RAB11FIP3: variants seen among roughly 807,000 people sequenced by gnomAD.
RAB11FIP3 encodes the protein RAB11 family interacting protein 3, also known as rab11 family-interacting protein 3.
In RAB11FIP3, 17 loss-of-function variants were observed where a neutral mutation model predicts 77.8. The observed-to-expected ratio is 0.22, with a 90% confidence interval of 0.15 to 0.33. The LOEUF (loss-of-function observed/expected upper bound fraction) is 0.33, where lower values mean the gene tolerates loss of function less well. Among genes scored for constraint, RAB11FIP3 ranks in the 10% least tolerant of loss-of-function variants. RAB11FIP3 has a pLI of 1.00. For synonymous variants in RAB11FIP3, 437 were observed against 448.2 expected (o/e 0.98, Z 0.31); for missense variants, 1,005 against 1,011.2 (o/e 0.99, Z 0.08).
chr16:515,851 C>T (rs757838603), intron 9 of RAB11FIP3, among the ~76,000 whole-genome samples: 2 of 152,214 alleles, frequency 1.3e-5, no homozygotes, highest in Non-Finnish European at 2.9e-5. Flanking sequence ...TGGATAAAGG[C>T]GAGGCTCACA....
intron 6 of RAB11FIP3, 178 bp downstream of exon 6, chr16:497,037 G>C: frequency 1.4e-6 from 1 of 701,230 alleles, no homozygotes; most frequent in Non-Finnish European, 2.2e-6. Flanking sequence ...GGTTTCCAGG[G>C]CTGTGAATTT....
rs1025826846 is a variant in RAB11FIP3 at position 514,678 on chromosome 16, A to G, written c.1640+3878A>G. Among the ~76,000 whole-genome samples, 14 of 152,112 alleles carry G rather than the reference A, an allele frequency of 9.2e-5. No homozygotes were observed. Among genetic ancestry groups the G allele is most frequent in the Admixed American group, 3.3e-4 (5 of 15,272 alleles). On this transcript the variant is annotated intron_variant, in intron 9 of 13. Coordinates refer to ENST00000262305, the MANE Select transcript of RAB11FIP3 (RefSeq NM_014700.4). This position sits in a 1 kb window ranked among gnomAD's most constrained non-coding sequence, Gnocchi z 4.6. Reference sequence around the variant, plus strand: ...AATCTCAGGACACAGGGCCCGGGAGAGGTTCTAGGAAAGGCCAGGTACCTC... The same window carrying G: ...AATCTCAGGACACAGGGCCCGGGAGGGGTTCTAGGAAAGGCCAGGTACCTC...
At chr16:493,117 G>C (rs1430542727) in intron 5 of RAB11FIP3, among the ~76,000 whole-genome samples, 1 of 152,112 alleles carries the variant, frequency 6.6e-6, no homozygotes, top group Non-Finnish European at 1.5e-5. Flanking sequence ...CAGGCATGGT[G>C]GCACATGCCT....
intron 8 of RAB11FIP3, among the ~76,000 whole-genome samples, chr16:508,364 CGTTTTGTTTT>C (rs538830230): frequency 6.6e-5 from 10 of 152,172 alleles, no homozygotes; most frequent in African/African-American, 1.7e-4. Context: ...GCCTTTATTT[CGTTTTGTTTT>C]GTTTTGTTTT....
intron 1 of RAB11FIP3, among the ~76,000 whole-genome samples, chr16:431,851 G>A (rs376804062): frequency 2.2e-4 from 34 of 151,804 alleles, no homozygotes; most frequent in East Asian, 1.4e-3. Flanking sequence ...CCGCCTCCCG[G>A]GTTTATGCCA....
intron 3 of RAB11FIP3, among the ~76,000 whole-genome samples, chr16:478,461 G>A (rs1431150753): frequency 6.6e-6 from 1 of 151,996 alleles, no homozygotes; most frequent in East Asian, 1.9e-4. Context: ...AAAGTGCTGG[G>A]ATTACAGGCA....
intron 5 of RAB11FIP3, among the ~76,000 whole-genome samples, chr16:492,301 T>C (rs1867254895): frequency 6.7e-6 from 1 of 149,318 alleles, no homozygotes; most frequent in African/African-American, 2.5e-5. Context: ...ATGGCCATTC[T>C]GGAGCATCGG....
At chr16:479,974 C>G (rs1323703525) in intron 3 of RAB11FIP3, among the ~76,000 whole-genome samples, 2 of 151,708 alleles carry the variant, frequency 1.3e-5, no homozygotes, top group African/African-American at 2.4e-5. Flanking sequence ...CAGACATGTA[C>G]CTATTTTTCA....
intron 9 of RAB11FIP3, among the ~76,000 whole-genome samples, chr16:511,778 G>C (rs1221336583): frequency 8.9e-6 from 1 of 112,336 alleles, no homozygotes; most frequent in East Asian, 3.0e-4. Context: ...GGCAGGAGAG[G>C]TTCCTGACGG....
rs116787119 is a variant in RAB11FIP3 at position 460,443 on chromosome 16, T to C, written c.715-961T>C. On this transcript the variant is annotated intron_variant, in intron 1 of 13. Coordinates refer to ENST00000262305, the MANE Select transcript of RAB11FIP3 (RefSeq NM_014700.4). ...AGCTGAGTATTAAGCCCAGGTATTT[T>C]CTGTAATACTCTCCCCCCTCCCACC... Among the ~76,000 whole-genome samples the C allele has an allele frequency of 5.8e-3, 885 of 152,254 alleles. 10 individuals carry two copies. The highest frequency in any genetic ancestry group is 0.02 in the African/African-American group (842 of 41,536).
chr16:430,831 A>G (rs1596178669), intron 1 of RAB11FIP3, among the ~76,000 whole-genome samples: 1 of 152,354 alleles, frequency 6.6e-6, no homozygotes, highest in East Asian at 1.9e-4. Context: ...CGTCTCTACT[A>G]AAAATACAAA....
intron 2 of RAB11FIP3, among the ~76,000 whole-genome samples, chr16:462,758 A>ATCCCTTCCCCAGCACCG (rs2055634482): frequency 3.2e-5 from 2 of 61,652 alleles, no homozygotes; most frequent in East Asian, 8.6e-4. Context: ...GCACCGCACC[A>ATCCCTTCCCCAGCACCG]TCCCTTCCCC....
At position 505,894 on chromosome 16, in the gene RAB11FIP3, G is replaced by A. The variant is rs575539558; in HGVS notation, c.1499+267G>A. 1.8e-4 allele frequency among the ~76,000 whole-genome samples: 27 copies of A among 152,270 alleles called. No homozygotes were observed. The highest frequency in any genetic ancestry group is 5.5e-4 in the African/African-American group (23 of 41,560). ...AGGGCACTGCCTCCCTCTCGGGAGC[G>A]CTGAGACCTGACCCACACAGAGGAG... is the stretch of plus-strand genomic sequence containing the variant. On this transcript the variant is annotated intron_variant, in intron 8 of 13. Coordinates refer to ENST00000262305, the MANE Select transcript of RAB11FIP3 (RefSeq NM_014700.4). This position sits in a 1 kb window ranked among gnomAD's most constrained non-coding sequence, Gnocchi z 4.0.
chr16:467,556 G>A, intron 2 of RAB11FIP3, among the ~76,000 whole-genome samples: 1 of 142,236 alleles, frequency 7.0e-6, no homozygotes, highest in East Asian at 2.2e-4. Flanking sequence ...GCCTCAGGGA[G>A]GAGGTGCTGG....
chr16:482,393 C>T (rs750874725), intron 3 of RAB11FIP3, 132 bp from the exon 4 acceptor site: 5 of 830,666 alleles, frequency 6.0e-6, no homozygotes, highest in Non-Finnish European at 8.3e-6. Flanking sequence ...TGCTTAGAGA[C>T]AGTTGGGACT....
At chr16:429,794 G>A (rs761851994) in intron 1 of RAB11FIP3, among the ~76,000 whole-genome samples, 2 of 152,078 alleles carry the variant, frequency 1.3e-5, no homozygotes, top group Non-Finnish European at 2.9e-5. Context: ...CACTGTGCCC[G>A]GCCAAGTATC....
chr16:492,131 G>A (rs566757241), intron 5 of RAB11FIP3, among the ~76,000 whole-genome samples: 4 of 152,302 alleles, frequency 2.6e-5, no homozygotes, highest in Non-Finnish European at 4.4e-5. Flanking sequence ...CCTTGCTGGC[G>A]GGCGCTCACT....
chr16:462,830 C>T lies in RAB11FIP3; in HGVS notation c.808+1333C>T, dbSNP rs527618951. Among the ~76,000 whole-genome samples, 4 of 151,252 alleles carry T rather than the reference C, an allele frequency of 2.6e-5. No homozygotes were observed. The East Asian group carries it at 7.8e-4, about 30-fold the overall frequency. ...CACCGTCCCTTCCCCAGCACGATCCCTTCCCCAGCACCATCCCTTCCCCAG... is the reference window on the plus strand; with the variant it reads ...CACCGTCCCTTCCCCAGCACGATCCTTTCCCCAGCACCATCCCTTCCCCAG... On this transcript the variant is annotated intron_variant, in intron 2 of 13. Coordinates refer to ENST00000262305, the MANE Select transcript of RAB11FIP3 (RefSeq NM_014700.4).
chr16:473,697 C>T (rs1424660781), intron 3 of RAB11FIP3, among the ~76,000 whole-genome samples: 1 of 152,134 alleles, frequency 6.6e-6, no homozygotes, highest in Non-Finnish European at 1.5e-5. Context: ...GTCTTGGCCT[C>T]CTAAAGTGCT....
Sources: allele counts gnomAD v4.1 joint callset (sites outside exome capture counted in the v4.1 genomes callset), GRCh38; gene constraint gnomAD v4.1.1; non-coding constraint Gnocchi (gnomAD v3.1); transcripts MANE v1.5; gene names NCBI Gene and HGNC (gene_info 2026-07-23, HGNC 2026-07-21).